The following PLEKHH2 variants were observed in gnomAD, a reference collection of about 807,000 sequenced individuals.
PLEKHH2 encodes pleckstrin homology, MyTH4 and FERM domain containing H2.
PLEKHH2 carries 129 observed loss-of-function variants against 187.9 expected under a neutral mutation model. The observed-to-expected ratio is 0.69, with a 90% confidence interval of 0.59 to 0.79. The LOEUF (loss-of-function observed/expected upper bound fraction) is 0.79, where lower values mean the gene tolerates loss of function less well. Among genes scored for constraint, PLEKHH2 ranks in the 30% least tolerant of loss-of-function variants. PLEKHH2 has a pLI of 0.00. For missense variants in PLEKHH2, 2,076 were observed against 1,751.2 expected, an observed-to-expected ratio of 1.19 and a Z score of -3.31; for synonymous variants, 686 against 605.6, an observed-to-expected ratio of 1.13 and a Z score of -1.95.
intron 3 of PLEKHH2, among the ~76,000 whole-genome samples, chr2:43,685,528 A>T (rs1009887762): frequency 1.3e-5 from 2 of 152,036 alleles, no homozygotes; most frequent in Non-Finnish European, 2.9e-5. Flanking sequence ...CCTGTGCTCA[A>T]GCAATCCTCC....
intron 18 of PLEKHH2, among the ~76,000 whole-genome samples, chr2:43,730,828 G>T (rs1671001929): frequency 6.6e-6 from 1 of 152,072 alleles, no homozygotes; most frequent in Non-Finnish European, 1.5e-5. Flanking sequence ...TTGATTTTAG[G>T]AATGCCTTCA....
chr2:43,656,910 T>G (rs1666798315), intron 2 of PLEKHH2, among the ~76,000 whole-genome samples: 1 of 152,106 alleles, frequency 6.6e-6, no homozygotes, highest in South Asian at 2.1e-4. Flanking sequence ...TCCCAGCTAC[T>G]TGGGAGGCTG....
rs193190850 is a variant in PLEKHH2 at position 43,682,600 on chromosome 2, C to T, written c.186+3675C>T. ...GATTACAGGCATGAGCCACCGTGCC[C>T]AGCCAAAATTAACATTTTTAAATGA... is the stretch of plus-strand genomic sequence containing the variant. On this transcript the variant is annotated intron_variant, in intron 3 of 29. Coordinates refer to ENST00000282406, the MANE Select transcript of PLEKHH2 (RefSeq NM_172069.4). Among the ~76,000 whole-genome samples the T allele has an allele frequency of 7.8e-4, 118 of 152,240 alleles. No homozygotes were observed. The Middle Eastern group carries it at 0.01, about 13-fold the overall frequency.
chr2:43,644,522 A>T (rs567230029), intron 1 of PLEKHH2, 149 bp from the exon 2 acceptor site: 1 of 557,528 alleles, frequency 1.8e-6, no homozygotes, highest in Admixed American at 4.2e-5. Flanking sequence ...AATTTGTCTT[A>T]GAATTTAAAA....
At chr2:43,754,193 C>G (rs1015477543) in intron 25 of PLEKHH2, among the ~76,000 whole-genome samples, 2 of 123,772 alleles carry the variant, frequency 1.6e-5, no homozygotes, top group South Asian at 2.8e-4. Flanking sequence ...CACACACACA[C>G]ACACACACAC....
intron 10 of PLEKHH2, among the ~76,000 whole-genome samples, chr2:43,706,887 T>C (rs892726463): frequency 9.9e-5 from 15 of 152,106 alleles, no homozygotes; most frequent in Non-Finnish European, 1.8e-4. Flanking sequence ...CAAAATACAT[T>C]CCCAAATTCC....
intron 8 of PLEKHH2, among the ~76,000 whole-genome samples, chr2:43,703,089 C>T (rs994574610): frequency 1.1e-4 from 17 of 152,182 alleles, no homozygotes; most frequent in African/African-American, 2.7e-4. Flanking sequence ...ACTATTCAAT[C>T]GAAAATGTCC....
intron 25 of PLEKHH2, among the ~76,000 whole-genome samples, chr2:43,755,475 G>A (rs748977844): frequency 2.6e-5 from 4 of 152,152 alleles, no homozygotes; most frequent in Non-Finnish European, 5.9e-5. Flanking sequence ...CCTTTCTCTG[G>A]TCTGGTCCCT....
At chr2:43,744,251 A>G (rs977051459) in intron 23 of PLEKHH2, 6 of 650,152 alleles carry the variant, frequency 9.2e-6, no homozygotes, top group African/African-American at 1.9e-5. Flanking sequence ...TATTAGGATA[A>G]TAAGGGTAGA....
intron 2 of PLEKHH2, among the ~76,000 whole-genome samples, chr2:43,659,813 C>T (rs1273965702): frequency 1.3e-5 from 2 of 151,798 alleles, no homozygotes; most frequent in Non-Finnish European, 2.9e-5. Context: ...CCTGCCTTGT[C>T]CTCCCAAAGT....
intron 24 of PLEKHH2, 107 bp downstream of exon 24, chr2:43,746,070 A>T: frequency 1.6e-6 from 1 of 610,038 alleles, no homozygotes; most frequent in South Asian, 5.7e-5. Context: ...ATTTATTTGT[A>T]AGTTTGTCTT....
intron 11 of PLEKHH2, among the ~76,000 whole-genome samples, chr2:43,708,316 C>G (rs540575263): frequency 1.3e-5 from 2 of 152,188 alleles, no homozygotes; most frequent in South Asian, 4.1e-4. Flanking sequence ...CGTACTTGAC[C>G]TCATCTCCTT....
intron 15 of PLEKHH2, among the ~76,000 whole-genome samples, chr2:43,719,019 C>G (rs145917261): frequency 1.1e-4 from 16 of 152,240 alleles, no homozygotes; most frequent in African/African-American, 3.6e-4. Context: ...ATAGTGAGGA[C>G]GGAAGCATTT....
At chr2:43,642,494 G>A (rs7569547) in intron 1 of PLEKHH2, among the ~76,000 whole-genome samples, 97,544 of 151,946 alleles carry the variant, frequency 0.64, 32,347 homozygotes, top group African/African-American at 0.77. Flanking sequence ...CTCTATTACA[G>A]TGTTGAATAG....
chr2:43,726,512 T>A, intron 17 of PLEKHH2, 61 bp downstream of exon 17: 2 of 1,433,520 alleles, frequency 1.4e-6, no homozygotes, highest in Non-Finnish European at 1.9e-6. Context: ...CAGATATTGG[T>A]AATAATTATC....
chr2:43,707,033 T>C (rs1212224237), intron 10 of PLEKHH2, among the ~76,000 whole-genome samples: 3 of 151,862 alleles, frequency 2.0e-5, no homozygotes, highest in Admixed American at 2.0e-4. Flanking sequence ...CTGTCTCTAC[T>C]AAAAATATAA....
Position 43,692,514 on chromosome 2 carries a change from G to T in PLEKHH2, c.187G>T (p.Val63Leu), listed in dbSNP as rs778423987. 2 of 1,560,942 alleles carry T rather than the reference G, an allele frequency of 1.3e-6. No individual in the cohort carries two copies. Among genetic ancestry groups the T allele is most frequent in the Admixed American group, 1.8e-5 (1 of 55,390 alleles). The change falls in exon 4 of 30, where the codon GTA becomes TTA. Residue 63 changes from valine to leucine, a missense_variant and splice_region_variant. Physicochemically the swap from Val to Leu is conservative, Grantham distance 32. Coordinates refer to ENST00000282406, the MANE Select transcript of PLEKHH2 (RefSeq NM_172069.4). ...ERQAEKAFQQ[V>L]QVMEDKLKAA... ...TTAATATTTTATCCTTTGAATTTAG[G>T]TACAAGTTATGGAAGATAAATTAAA...
intron 2 of PLEKHH2, among the ~76,000 whole-genome samples, chr2:43,666,567 C>G (rs1667227985): frequency 6.6e-6 from 1 of 152,218 alleles, no homozygotes; most frequent in Admixed American, 6.5e-5. Context: ...TGCATTCCTA[C>G]CAGTAATGCT....
In PLEKHH2 at chr2:43,700,529, A is replaced by C. The variant is rs767573651; in HGVS notation, c.1571A>C (p.Asp524Ala). Residue 524 changes from aspartate to alanine, a missense_variant, in exon 8 of 30, where the codon GAC becomes GCC. Coordinates refer to ENST00000282406, the MANE Select transcript of PLEKHH2 (RefSeq NM_172069.4). The part of the protein sequence containing the change: ...YDSLDSPNSD[D>A]QEHCDSAKKV... The stretch of plus-strand genomic sequence containing the variant: ...TCCTTGGACTCTCCAAATTCAGATG[A>C]CCAGGAACACTGTGACTCAGCAAAG... 1.9e-6 allele frequency: 3 copies of C among 1,613,952 alleles called. No homozygotes were observed. The highest frequency in any genetic ancestry group is 2.5e-6 in the Non-Finnish European group (3 of 1,179,954).
Sources: allele counts gnomAD v4.1 joint callset (sites outside exome capture counted in the v4.1 genomes callset), GRCh38; gene constraint gnomAD v4.1.1; transcripts MANE v1.5; gene names NCBI Gene and HGNC (gene_info 2026-07-23, HGNC 2026-07-21).